Variants in ADAM32 observed in about 807,000 individuals in gnomAD.
The protein encoded by ADAM32 is ADAM metallopeptidase domain 32, also known as disintegrin and metalloproteinase domain-containing protein 32.
In ADAM32, 89 loss-of-function variants were observed where a neutral mutation model predicts 114.9. The observed-to-expected ratio is 0.77, with a 90% confidence interval of 0.65 to 0.92. The LOEUF (loss-of-function observed/expected upper bound fraction) is 0.92. Ranked by LOEUF, ADAM32 falls within the 40% of genes least tolerant of loss-of-function variation. The pLI is 0.00. For missense variants in ADAM32, 870 were observed against 932.8 expected (o/e 0.93, Z 0.88); for synonymous variants, 285 against 307.5 (o/e 0.93, Z 0.77).
At chr8:39,152,999 C>T (rs973462373) in intron 6 of ADAM32, among the ~76,000 whole-genome samples, 20 of 152,102 alleles carry the variant, frequency 1.3e-4, no homozygotes, top group African/African-American at 2.2e-4. Context: ...ATGAGGCTGA[C>T]GCCATACAGG....
chr8:39,270,833 G>C (rs774162725), intron 19 of ADAM32, 43 bp from the exon 20 acceptor site: 24 of 1,544,422 alleles, frequency 1.6e-5, no homozygotes, highest in Non-Finnish European at 2.1e-5. Flanking sequence ...AAGTTGGCAA[G>C]TTTTCTAAGT....
intron 3 of ADAM32, among the ~76,000 whole-genome samples, chr8:39,144,075 G>A (rs528431784): frequency 6.6e-6 from 1 of 152,350 alleles, no homozygotes; most frequent in Non-Finnish European, 1.5e-5. Flanking sequence ...AAGACTGTGG[G>A]AAAAGTGCAG....
chr8:39,141,064 A>G (rs1320004552), intron 3 of ADAM32, among the ~76,000 whole-genome samples: 1 of 151,842 alleles, frequency 6.6e-6, no homozygotes, highest in Non-Finnish European at 1.5e-5. Flanking sequence ...TATTGCATCT[A>G]TTTGATTCTT....
chr8:39,110,813 C>T (rs1840126209), intron 1 of ADAM32, among the ~76,000 whole-genome samples: 1 of 152,126 alleles, frequency 6.6e-6, no homozygotes, highest in African/African-American at 2.4e-5. Flanking sequence ...TGCTGATGGT[C>T]CCATCAGCTG....
intron 4 of ADAM32, among the ~76,000 whole-genome samples, chr8:39,148,840 T>C (rs1803658678): frequency 6.6e-6 from 1 of 152,168 alleles, no homozygotes; most frequent in Non-Finnish European, 1.5e-5. Context: ...CCATTGAATA[T>C]TGGAAATTAT....
At chr8:39,180,573 A>G (rs1256710262) in intron 10 of ADAM32, among the ~76,000 whole-genome samples, 2 of 152,234 alleles carry the variant, frequency 1.3e-5, no homozygotes, top group Non-Finnish European at 2.9e-5. Context: ...GATCCACTGG[A>G]TGAAGCCAGC....
chr8:39,116,365 T>C (rs1001901619), intron 1 of ADAM32, among the ~76,000 whole-genome samples: 10 of 152,210 alleles, frequency 6.6e-5, no homozygotes, highest in Admixed American at 2.6e-4. Flanking sequence ...TTCCTATCCA[T>C]GAGTATGGAA....
Position 39,211,289 on chromosome 8 carries a change from G to T in ADAM32, c.1198G>T (p.Glu400Ter), listed in dbSNP as rs758580977. 9 of 1,582,880 alleles carry T rather than the reference G, an allele frequency of 5.7e-6. No individual in the cohort carries two copies. The highest frequency in any genetic ancestry group is 7.7e-6 in the Non-Finnish European group (9 of 1,164,964). The change falls in exon 12 of 25, where the codon GAG becomes TAG. Residue 400 changes from glutamate (E) to a stop codon, truncating the protein, a stop_gained. Coordinates refer to ENST00000379907, the MANE Select transcript of ADAM32 (RefSeq NM_145004.7). LOFTEE classifies it high-confidence loss of function. The part of the protein sequence containing the change: ...PKPVCGNGRL[E>*]GNEICDCGTE... Reference sequence around the variant, plus strand: ...ACCAGTCTGTGGCAATGGCAGATTGGAGGGAAATGAAATCTGTGATTGTGG... The same window carrying T: ...ACCAGTCTGTGGCAATGGCAGATTGTAGGGAAATGAAATCTGTGATTGTGG...
intron 7 of ADAM32, among the ~76,000 whole-genome samples, chr8:39,161,391 T>G (rs1804499617): frequency 6.6e-6 from 1 of 152,164 alleles, no homozygotes; most frequent in African/African-American, 2.4e-5. Flanking sequence ...CTTTCACTAA[T>G]GTGTCAAGAA....
At chr8:39,125,621 G>A (rs542962661) in intron 2 of ADAM32, among the ~76,000 whole-genome samples, 1 of 152,132 alleles carries the variant, frequency 6.6e-6, no homozygotes, top group South Asian at 2.1e-4. Context: ...CCATTCTGTA[G>A]GTTGTCTGTT....
At chr8:39,194,762 T>G (rs1411499303) in intron 11 of ADAM32, among the ~76,000 whole-genome samples, 1 of 152,148 alleles carries the variant, frequency 6.6e-6, no homozygotes, top group Non-Finnish European at 1.5e-5. Context: ...CAAGACTGCT[T>G]TGCAGACTTC....
intron 1 of ADAM32, 29 bp downstream of exon 1, chr8:39,107,862 C>T (rs1297984876): frequency 6.6e-7 from 1 of 1,511,022 alleles, no homozygotes; most frequent in Non-Finnish European, 8.9e-7. Flanking sequence ...TGACACTAGT[C>T]CGGGCGCTCG....
At chr8:39,120,890 T>C (rs1840561818) in intron 2 of ADAM32, among the ~76,000 whole-genome samples, 2 of 152,238 alleles carry the variant, frequency 1.3e-5, no homozygotes, top group South Asian at 4.2e-4. Flanking sequence ...TGTTCTAGTC[T>C]TTTGTAGAAG....
chr8:39,207,959 A>G (rs1480601566), intron 11 of ADAM32, among the ~76,000 whole-genome samples: 1 of 152,176 alleles, frequency 6.6e-6, no homozygotes, highest in African/African-American at 2.4e-5. Flanking sequence ...ACATTTTAAA[A>G]ATCAGTTTAT....
chr8:39,231,911 G>C (rs1809757678), intron 14 of ADAM32, 116 bp from the exon 15 acceptor site: 2 of 851,900 alleles, frequency 2.3e-6, no homozygotes, highest in African/African-American at 3.5e-5. Flanking sequence ...ACCTCACTAG[G>C]AAAAATGTTT....
chr8:39,185,434 T>A (rs1227821947), intron 10 of ADAM32, among the ~76,000 whole-genome samples: 1 of 152,162 alleles, frequency 6.6e-6, no homozygotes, highest in African/African-American at 2.4e-5. Context: ...TTTCCAAGTG[T>A]CTTGAAGGAA....
intron 10 of ADAM32, among the ~76,000 whole-genome samples, chr8:39,171,639 T>G (rs1258700260): frequency 6.6e-6 from 1 of 152,086 alleles, no homozygotes; most frequent in African/African-American, 2.4e-5. Context: ...TTAGTCCTAT[T>G]TAAGAATTTA....
chr8:39,219,683 T>A (rs1808821900), intron 12 of ADAM32, among the ~76,000 whole-genome samples: 1 of 152,232 alleles, frequency 6.6e-6, no homozygotes, highest in South Asian at 2.1e-4. Context: ...CCCTCTTTGG[T>A]GCCTCTTTCA....
At chr8:39,115,536 A>C (rs569634834) in intron 1 of ADAM32, among the ~76,000 whole-genome samples, 37 of 148,884 alleles carry the variant, frequency 2.5e-4, no homozygotes, top group Non-Finnish European at 4.6e-4. Flanking sequence ...TCTTGGCCAC[A>C]TGTATGTTTT....
Sources: allele counts gnomAD v4.1 joint callset (sites outside exome capture counted in the v4.1 genomes callset), GRCh38; gene constraint gnomAD v4.1.1; transcripts MANE v1.5; gene names NCBI Gene and HGNC (gene_info 2026-07-23, HGNC 2026-07-21).